SRGAP3: variants seen among roughly 807,000 people sequenced by gnomAD.
The protein encoded by SRGAP3 is SLIT-ROBO Rho GTPase activating protein 3, also known as SLIT-ROBO Rho GTPase-activating protein 3.
Under a neutral mutation model 121.1 loss-of-function variants are expected in SRGAP3, and 39 were observed. The observed-to-expected ratio is 0.32, with a 90% CI of 0.25 to 0.42. SRGAP3 has a LOEUF of 0.42. Among genes scored for constraint, SRGAP3 ranks in the 10% least tolerant of loss-of-function variants. SRGAP3 has a pLI of 1.00. For missense variants in SRGAP3, 1,213 were observed against 1,470.6 expected, an observed-to-expected ratio of 0.82 and a Z score of 2.86; for synonymous variants, 601 against 570.0, an observed-to-expected ratio of 1.05 and a Z score of -0.77.
chr3:9,068,113 C>T (rs1344314919), intron 4 of SRGAP3, among the ~76,000 whole-genome samples: 1 of 152,164 alleles, frequency 6.6e-6, no homozygotes, highest in Non-Finnish European at 1.5e-5. Context: ...TGGATCCCAT[C>T]CCCGTCTGCG....
intron 3 of SRGAP3, among the ~76,000 whole-genome samples, chr3:9,088,281 G>A (rs1947585274): frequency 6.6e-6 from 1 of 152,138 alleles, no homozygotes; most frequent in Non-Finnish European, 1.5e-5. Context: ...GGTGACATGG[G>A]GCCAAGGAGG....
intron 9 of SRGAP3, among the ~76,000 whole-genome samples, chr3:9,052,261 A>C (rs1246863251): frequency 6.6e-6 from 1 of 152,242 alleles, no homozygotes; most frequent in Non-Finnish European, 1.5e-5. Flanking sequence ...CAGAGAACAG[A>C]ACCAAGAAAT....
At chr3:9,113,940 C>G (rs1385266515) in intron 2 of SRGAP3, among the ~76,000 whole-genome samples, 1 of 152,142 alleles carries the variant, frequency 6.6e-6, no homozygotes, top group Non-Finnish European at 1.5e-5. Flanking sequence ...TATCCCCCAC[C>G]CACCAGGAGT....
Position 9,074,156 on chromosome 3 carries a change from G to A in SRGAP3, c.486+5869C>T, listed in dbSNP as rs140464827. 7.0e-3 allele frequency among the ~76,000 whole-genome samples: 1,070 copies of A among 152,310 alleles called. 12 individuals are homozygous for A. Among genetic ancestry groups the A allele is most frequent in the African/African-American group, 0.024 (1,008 of 41,556 alleles). ...GAAACGAAGGAGGAGGTGGCTGCACGTTTTCCAGCGAAACATTCTTAGGGC... is the reference window on the plus strand; with the variant it reads ...GAAACGAAGGAGGAGGTGGCTGCACATTTTCCAGCGAAACATTCTTAGGGC... On this transcript the variant is annotated intron_variant, in intron 4 of 21. Coordinates refer to ENST00000383836, the MANE Select transcript of SRGAP3 (RefSeq NM_014850.4).
intron 18 of SRGAP3, among the ~76,000 whole-genome samples, chr3:9,008,994 G>A (rs1268294964): frequency 6.6e-6 from 1 of 152,234 alleles, no homozygotes; most frequent in Admixed American, 6.5e-5. Context: ...AACCAGCACA[G>A]AGGGAAGCAG....
intron 1 of SRGAP3, among the ~76,000 whole-genome samples, chr3:9,168,783 A>G (rs1027843463): frequency 3.3e-5 from 5 of 152,184 alleles, no homozygotes; most frequent in Non-Finnish European, 7.4e-5. Context: ...TTGATTCATA[A>G]TCTCTCATTC....
At chr3:9,174,202 G>A (rs982286531) in intron 1 of SRGAP3, among the ~76,000 whole-genome samples, 5 of 152,186 alleles carry the variant, frequency 3.3e-5, no homozygotes, top group African/African-American at 1.2e-4. Context: ...GGAATGAGGA[G>A]TTATTGTTTA....
chr3:9,082,143 T>C (rs1947277998), intron 3 of SRGAP3, among the ~76,000 whole-genome samples: 1 of 152,216 alleles, frequency 6.6e-6, no homozygotes, highest in African/African-American at 2.4e-5. Context: ...TCACTCTCTC[T>C]CTGTTGCTCC....
At chr3:9,162,835 T>G (rs557574933) in intron 1 of SRGAP3, among the ~76,000 whole-genome samples, 5 of 152,312 alleles carry the variant, frequency 3.3e-5, no homozygotes, top group African/African-American at 1.2e-4. Context: ...GTTTTGAGGT[T>G]TAGTTGAAAT....
chr3:9,012,992 A>C (rs566098530), intron 17 of SRGAP3, among the ~76,000 whole-genome samples: 1 of 152,320 alleles, frequency 6.6e-6, no homozygotes, highest in African/African-American at 2.4e-5. Flanking sequence ...CTGCAGGACC[A>C]AGTCCTTGTG....
chr3:9,170,825 T>TC (rs1324491421), intron 1 of SRGAP3, among the ~76,000 whole-genome samples: 1 of 152,080 alleles, frequency 6.6e-6, no homozygotes, highest in African/African-American at 2.4e-5. Flanking sequence ...ACTGCTCCTC[T>TC]CCCCCAAGCC....
intron 1 of SRGAP3, among the ~76,000 whole-genome samples, chr3:9,345,558 G>A (rs751193231): frequency 4.6e-5 from 7 of 150,790 alleles, no homozygotes; most frequent in Admixed American, 6.6e-5. Flanking sequence ...CGAGGAAGGT[G>A]GATCACTTGA....
intron 1 of SRGAP3, among the ~76,000 whole-genome samples, chr3:9,240,973 A>C (rs904462080): frequency 2.0e-5 from 3 of 152,154 alleles, no homozygotes; most frequent in Non-Finnish European, 2.9e-5. Context: ...GAAGGAAGTC[A>C]AAGGTTAAGA....
Position 9,173,952 on chromosome 3 carries a change from C to T in SRGAP3, c.68-49035G>A, listed in dbSNP as rs111742187. Among the ~76,000 whole-genome samples the T allele has an allele frequency of 2.6e-5, 4 of 152,338 alleles. 1 individual carries two copies. The highest frequency in any genetic ancestry group is 9.6e-5 in the African/African-American group (4 of 41,580). ...CATGCTCAAAAAGCACTTATTGGTA[C>T]ACAGTGTTCACAGGAGCACCATTCA... On this transcript the variant is annotated intron_variant, in intron 1 of 21. Transcript: ENST00000383836.
chr3:9,208,357 T>A (rs1255723375), intron 1 of SRGAP3, among the ~76,000 whole-genome samples: 1 of 152,126 alleles, frequency 6.6e-6, no homozygotes, highest in African/African-American at 2.4e-5. Flanking sequence ...GAAACCCCTC[T>A]CTTCTCCCAC....
At chr3:9,133,247 C>T (rs988654692) in intron 1 of SRGAP3, among the ~76,000 whole-genome samples, 1 of 151,990 alleles carries the variant, frequency 6.6e-6, no homozygotes. Context: ...TTTGGGAGGC[C>T]GAAGCAGGTG....
intron 4 of SRGAP3, among the ~76,000 whole-genome samples, chr3:9,072,013 T>C (rs1175439394): frequency 1.6e-4 from 24 of 152,182 alleles, no homozygotes; most frequent in Admixed American, 1.6e-3. Context: ...GTGTCATTTT[T>C]ATCTAAGCCA....
chr3:9,119,323 C>A (rs1432638636), intron 2 of SRGAP3, among the ~76,000 whole-genome samples: 1 of 152,194 alleles, frequency 6.6e-6, no homozygotes. Context: ...GAGAGCTATA[C>A]CCACATGCCC....
In SRGAP3 at chr3:9,032,807, C is replaced by T; in HGVS notation, c.1437-55G>A. ...GAAAGCAACCAACATAAACATACAACTGGGAAAGATGCTCTTAAAACCCAC... is the reference window on the plus strand; with the variant it reads ...GAAAGCAACCAACATAAACATACAATTGGGAAAGATGCTCTTAAAACCCAC... On this transcript the variant is annotated intron_variant, in intron 11 of 21. Transcript: ENST00000383836. 2.6e-6 allele frequency: 4 copies of T among 1,515,510 alleles called. No homozygotes were observed. The South Asian group carries it at 3.4e-5, about 13-fold the overall frequency. 93.9% of individuals were successfully genotyped at this position (1,515,510 alleles called of 1,614,324 possible).
Sources: allele counts gnomAD v4.1 joint callset (sites outside exome capture counted in the v4.1 genomes callset), GRCh38; gene constraint gnomAD v4.1.1; transcripts MANE v1.5; gene names NCBI Gene and HGNC (gene_info 2026-07-23, HGNC 2026-07-21).